The following GIGYF2 variants were observed in gnomAD, a reference collection of about 807,000 sequenced individuals.
The protein encoded by GIGYF2 is GRB10 interacting GYF protein 2.
A neutral mutation model predicts 208.1 loss-of-function variants in GIGYF2; 25 were observed. The ratio of observed to expected loss-of-function variants is 0.12; its 90% confidence interval spans 0.09 to 0.17. The LOEUF (loss-of-function observed/expected upper bound fraction) is 0.17, where lower values mean the gene tolerates loss of function less well. GIGYF2 is among the 10% of genes least tolerant of loss of function. The probability of loss-of-function intolerance (pLI) is 1.00; values close to 1 mark genes in which losing one functional copy is unlikely to be tolerated. For synonymous variants in GIGYF2, 534 were observed against 543.8 expected, an observed-to-expected ratio of 0.98 and a Z score of 0.25; for missense variants, 1,302 against 1,579.4, an observed-to-expected ratio of 0.82 and a Z score of 2.98.
At chr2:232,852,492 G>A (rs946863120) in intron 28 of GIGYF2, among the ~76,000 whole-genome samples, 13 of 152,166 alleles carry the variant, frequency 8.5e-5, no homozygotes, top group Non-Finnish European at 1.8e-4. Context: ...AGGTTGCAGT[G>A]AGCTGAGATC....
At position 232,741,956 on chromosome 2, in the gene GIGYF2, TC is replaced by T. The variant is rs138621920; in HGVS notation, c.42-5656del. On this transcript the variant is annotated intron_variant, in intron 3 of 28. Coordinates refer to ENST00000373563, the MANE Select transcript of GIGYF2 (RefSeq NM_001103146.3). ...CCTTGAGGATCTCAAATTCTCTTTT[TC>T]CCTCCCTTCCTCCGACTCTCTTTCC... Among the ~76,000 whole-genome samples the T allele has an allele frequency of 5.1e-3, 778 of 152,270 alleles. 4 individuals carry two copies. The highest frequency in any genetic ancestry group is 0.018 in the African/African-American group (753 of 41,560).
Position 232,816,730 on chromosome 2 carries a change from CTATT to C in GIGYF2, c.2209-140_2209-137del. ...TATGTATATAACATATTTTGTTTAT[CTATT>C]GATCTGTTGGATCACCTGGTTGCAG... On this transcript the variant is annotated intron_variant, in intron 19 of 28. Coordinates refer to ENST00000373563, the MANE Select transcript of GIGYF2 (RefSeq NM_001103146.3). 8 of 709,196 alleles carry C rather than the reference CTATT, an allele frequency of 1.1e-5. No homozygotes were observed. In the South Asian group the frequency reaches 1.2e-4, roughly 11 times the overall value. 43.9% of individuals were successfully genotyped at this position (709,196 alleles called of 1,614,324 possible).
At chr2:232,751,171 AAG>A (rs1034783307) in intron 5 of GIGYF2, among the ~76,000 whole-genome samples, 2 of 151,912 alleles carry the variant, frequency 1.3e-5, no homozygotes, top group Non-Finnish European at 2.9e-5. Flanking sequence ...TGTGCCCAGT[AAG>A]TTTTCTAAAT....
chr2:232,850,473 T>G, intron 28 of GIGYF2, 64 bp downstream of exon 28: 1 of 1,399,894 alleles, frequency 7.1e-7, no homozygotes. Flanking sequence ...TTATCCTGTG[T>G]GAGTTTCCAT....
At chr2:232,724,301 A>G (rs1380342951) in intron 2 of GIGYF2, among the ~76,000 whole-genome samples, 1 of 142,634 alleles carries the variant, frequency 7.0e-6, no homozygotes, top group East Asian at 2.1e-4. Context: ...CAAGTGATCC[A>G]CCCATCTTGG....
chr2:232,796,714 T>C (rs1008490087), intron 14 of GIGYF2, among the ~76,000 whole-genome samples: 5 of 151,932 alleles, frequency 3.3e-5, no homozygotes, highest in Admixed American at 1.3e-4. Flanking sequence ...CAAAATTAGC[T>C]CTGGACATGG....
intron 8 of GIGYF2, chr2:232,771,424 AATGTTTGTGAATTTGG>A: frequency 1.6e-6 from 2 of 1,253,404 alleles, no homozygotes; most frequent in Non-Finnish European, 2.3e-6. Flanking sequence ...TTTTATAGTT[AATGTTTGTGAATTTGG>A]AGAGCTCATG....
rs1175548133 is a variant in GIGYF2, at chr2:232,787,175, A to G, written c.558A>G (p.Gly186=). The G allele has an allele frequency of 6.2e-7, 1 of 1,614,028 alleles. No individual in the cohort carries two copies. The highest frequency in any genetic ancestry group is 2.2e-5 in the East Asian group (1 of 44,876). ...GGAGACCAAATTTTGAGGAAGGTGG[A>G]CCAACATCAGTAGGGAGAAAGCATG... ...DVGRPNFEEG[G]PTSVGRKHEF... Residue 186 remains glycine (G), a synonymous_variant, in exon 9 of 29, where the codon GGA becomes GGG. Coordinates refer to ENST00000373563, the MANE Select transcript of GIGYF2 (RefSeq NM_001103146.3).
At chr2:232,751,972 G>A (rs1698349369) in intron 5 of GIGYF2, among the ~76,000 whole-genome samples, 1 of 152,122 alleles carries the variant, frequency 6.6e-6, no homozygotes, top group African/African-American at 2.4e-5. Flanking sequence ...AAAGGAATAT[G>A]TTTAATTTTG....
chr2:232,786,884 G>A (rs1699928740), intron 8 of GIGYF2, among the ~76,000 whole-genome samples: 1 of 152,120 alleles, frequency 6.6e-6, no homozygotes, highest in African/African-American at 2.4e-5. Flanking sequence ...AGGGTCTTGT[G>A]TAGGAAGATG....
At chr2:232,803,676 T>TAA (rs1416027540) in intron 14 of GIGYF2, among the ~76,000 whole-genome samples, 56,179 of 97,578 alleles carry the variant, frequency 0.58, 21,045 homozygotes, top group South Asian at 0.81. Context: ...TTCTGCTTCT[T>TAA]TTTTTTTTTT....
rs1262517271 is a variant in GIGYF2 at position 232,771,326 on chromosome 2, G to C, written c.532+9890G>C. 5.0e-6 allele frequency: 8 copies of C among 1,612,520 alleles called. No homozygotes were observed. The East Asian group carries it at 1.8e-4, about 36-fold the overall frequency. ...ACCATCCTCCGGTATCTTTGACTTA[G>C]GAGAGGAGCAATAACTTTGCAATTA... On this transcript the variant is annotated intron_variant, in intron 8 of 28. Transcript: ENST00000373563.
At chr2:232,795,761 G>A (rs114467801) in intron 13 of GIGYF2, among the ~76,000 whole-genome samples, 1,762 of 152,230 alleles carry the variant, frequency 0.012, 37 homozygotes, top group African/African-American at 0.04. Context: ...ACTCTTACTA[G>A]TGTTGATTTG....
intron 4 of GIGYF2, 79 bp downstream of exon 4, chr2:232,747,823 T>G: frequency 7.5e-7 from 1 of 1,341,582 alleles, no homozygotes; most frequent in Non-Finnish European, 1.1e-6. Flanking sequence ...ACATGAAAAC[T>G]GATTTATTTT....
chr2:232,734,136 G>C (rs981216547), intron 2 of GIGYF2, among the ~76,000 whole-genome samples: 1 of 128,574 alleles, frequency 7.8e-6, no homozygotes, highest in Non-Finnish European at 1.6e-5. Context: ...TTTTTAAAGA[G>C]ATGGAGTCTC....
intron 8 of GIGYF2, among the ~76,000 whole-genome samples, chr2:232,778,341 G>A (rs1699600150): frequency 6.6e-6 from 1 of 152,072 alleles, no homozygotes; most frequent in Admixed American, 6.6e-5. Flanking sequence ...AAAATGATTT[G>A]GCAAAATGAT....
intron 22 of GIGYF2, among the ~76,000 whole-genome samples, chr2:232,836,103 A>T (rs538174881): frequency 6.6e-6 from 1 of 150,492 alleles, no homozygotes; most frequent in East Asian, 2.0e-4. Context: ...GCTGCCAGCA[A>T]ATATTCTCGG....
chr2:232,849,326 G>A (rs2106430699), intron 27 of GIGYF2, among the ~76,000 whole-genome samples: 1 of 152,034 alleles, frequency 6.6e-6, no homozygotes, highest in East Asian at 1.9e-4. Context: ...CACCATGCCT[G>A]GCTAATTTTT....
chr2:232,725,033 A>G (rs1697135073), intron 2 of GIGYF2, among the ~76,000 whole-genome samples: 1 of 152,242 alleles, frequency 6.6e-6, no homozygotes, highest in African/African-American at 2.4e-5. Flanking sequence ...TTTTAAATAT[A>G]ATCATATTCT....
Sources: allele counts gnomAD v4.1 joint callset (sites outside exome capture counted in the v4.1 genomes callset), GRCh38; gene constraint gnomAD v4.1.1; transcripts MANE v1.5; gene names NCBI Gene and HGNC (gene_info 2026-07-23, HGNC 2026-07-21).